The following DOCK4 variants were observed in gnomAD, a reference collection of about 807,000 sequenced individuals.
DOCK4 encodes the protein dedicator of cytokinesis protein 4.
DOCK4 carries 97 observed loss-of-function variants against 268.1 expected under a neutral mutation model. The ratio of observed to expected loss-of-function variants is 0.36; its 90% CI spans 0.31 to 0.43. DOCK4 has a LOEUF of 0.43. DOCK4 is among the 20% of genes least tolerant of loss of function. DOCK4 has a pLI of 1.00. For synonymous variants in DOCK4, 954 were observed against 887.2 expected (o/e 1.08, Z -1.34); for missense variants, 2,145 against 2,455.7 (o/e 0.87, Z 2.67).
chr7:111,920,096 G>A (rs1291737241), intron 12 of DOCK4, among the ~76,000 whole-genome samples: 2 of 152,076 alleles, frequency 1.3e-5, no homozygotes, highest in South Asian at 2.1e-4. Flanking sequence ...GCAGAGAGTG[G>A]AATGATGGTT....
chr7:112,192,812 C>T (rs913882181), intron 1 of DOCK4, among the ~76,000 whole-genome samples: 3 of 151,882 alleles, frequency 2.0e-5, no homozygotes, highest in Non-Finnish European at 4.4e-5. Context: ...AATAATCATC[C>T]AACAGAAGTT....
At chr7:111,990,326 C>T (rs1027385130) in intron 5 of DOCK4, among the ~76,000 whole-genome samples, 4 of 152,062 alleles carry the variant, frequency 2.6e-5, no homozygotes, top group Non-Finnish European at 5.9e-5. Flanking sequence ...AGTCTTTACC[C>T]TTTGTCTTTC....
At chr7:112,175,844 T>TA (rs1232019515) in intron 1 of DOCK4, among the ~76,000 whole-genome samples, 4 of 152,212 alleles carry the variant, frequency 2.6e-5, no homozygotes, top group African/African-American at 9.7e-5. Flanking sequence ...TAACAAAACT[T>TA]ATTCACACAA....
chr7:112,068,170 T>G (rs571974412), intron 1 of DOCK4, among the ~76,000 whole-genome samples: 1 of 152,338 alleles, frequency 6.6e-6, no homozygotes, highest in Non-Finnish European at 1.5e-5. Context: ...TGCACTATTG[T>G]ACTCATAATC....
intron 23 of DOCK4, among the ~76,000 whole-genome samples, chr7:111,852,178 G>A (rs988173414): frequency 5.3e-5 from 8 of 151,998 alleles, no homozygotes; most frequent in African/African-American, 1.7e-4. Flanking sequence ...TCCCCAGGCT[G>A]GTCTTGAACT....
At chr7:111,853,940 T>G (rs940638281) in intron 23 of DOCK4, among the ~76,000 whole-genome samples, 10 of 151,878 alleles carry the variant, frequency 6.6e-5, no homozygotes, top group South Asian at 2.1e-4. Context: ...TTGTTTGGTT[T>G]TTTTTTTGCT....
chr7:111,939,677 G>C (rs1203081882), intron 11 of DOCK4, among the ~76,000 whole-genome samples: 1 of 151,994 alleles, frequency 6.6e-6, no homozygotes, highest in East Asian at 1.9e-4. Flanking sequence ...AAGCCATGCA[G>C]TTTGTGGTAC....
At chr7:112,108,353 TA>T (rs1159801230) in intron 1 of DOCK4, among the ~76,000 whole-genome samples, 5 of 152,184 alleles carry the variant, frequency 3.3e-5, no homozygotes, top group Admixed American at 1.3e-4. Context: ...AGGAACTGAA[TA>T]AAAAGTGACT....
intron 32 of DOCK4, among the ~76,000 whole-genome samples, chr7:111,784,784 C>T (rs1799051864): frequency 6.6e-6 from 1 of 152,144 alleles, no homozygotes; most frequent in African/African-American, 2.4e-5. Flanking sequence ...GAACTTCCCC[C>T]AAAAGATAAA....
At chr7:111,996,981 G>A (rs978812068) in intron 4 of DOCK4, among the ~76,000 whole-genome samples, 2 of 152,174 alleles carry the variant, frequency 1.3e-5, no homozygotes, top group Non-Finnish European at 2.9e-5. Flanking sequence ...GGGAGGTCAG[G>A]GTTGGGCTTG....
intron 36 of DOCK4, among the ~76,000 whole-genome samples, chr7:111,775,633 C>T (rs768308928): frequency 1.8e-4 from 27 of 152,316 alleles, no homozygotes; most frequent in Admixed American, 3.3e-4. Context: ...AGAAAAAGCT[C>T]CAAGAAAAGT....
intron 1 of DOCK4, among the ~76,000 whole-genome samples, chr7:112,039,242 T>C (rs1373158893): frequency 6.6e-6 from 1 of 152,146 alleles, no homozygotes; most frequent in Non-Finnish European, 1.5e-5. Context: ...TACATTATTA[T>C]TTCAATGAAA....
chr7:112,062,034 G>A (rs1806459389), intron 1 of DOCK4, among the ~76,000 whole-genome samples: 1 of 152,186 alleles, frequency 6.6e-6, no homozygotes, highest in Non-Finnish European at 1.5e-5. Flanking sequence ...GGCTTACAGA[G>A]ATGACGATAA....
chr7:111,737,492 A>T (rs1054546998), intron 49 of DOCK4, among the ~76,000 whole-genome samples: 2 of 152,218 alleles, frequency 1.3e-5, no homozygotes, highest in Non-Finnish European at 2.9e-5. Context: ...TAAGAATTAA[A>T]GGAGAAATAT....
chr7:112,058,258 GTAAT>G (rs1294260250), intron 1 of DOCK4, among the ~76,000 whole-genome samples: 2 of 151,940 alleles, frequency 1.3e-5, no homozygotes, highest in Non-Finnish European at 2.9e-5. Context: ...ACATAACCTA[GTAAT>G]TATTTGTTTT....
At chr7:111,991,632 C>A (rs1329014035) in intron 5 of DOCK4, among the ~76,000 whole-genome samples, 2 of 152,100 alleles carry the variant, frequency 1.3e-5, no homozygotes, top group Non-Finnish European at 2.9e-5. Context: ...CAGCATGAGA[C>A]CCTAGGTAAA....
At chr7:112,072,356 C>T (rs1171134654) in intron 1 of DOCK4, among the ~76,000 whole-genome samples, 1 of 152,168 alleles carries the variant, frequency 6.6e-6, no homozygotes, top group Admixed American at 6.5e-5. Context: ...TTTGTTAGAC[C>T]TTGTGATCCT....
At chr7:111,876,580 CTTGCTTTA>C (rs1806897546) in intron 17 of DOCK4, among the ~76,000 whole-genome samples, 1 of 152,124 alleles carries the variant, frequency 6.6e-6, no homozygotes, top group Non-Finnish European at 1.5e-5. Context: ...AGGAGAAGAG[CTTGCTTTA>C]TTAATCATAA....
At position 111,940,163 on chromosome 7, in the gene DOCK4, G is replaced by C; in HGVS notation, c.924C>G (p.Ile308Met). 1 of 1,613,978 alleles carries C rather than the reference G, an allele frequency of 6.2e-7. No individual in the cohort carries two copies. The highest frequency in any genetic ancestry group is 1.7e-5 in the Admixed American group (1 of 60,024). The change falls in exon 11 of 53, where the codon ATC becomes ATG. Residue 308 changes from isoleucine to methionine, a missense_variant. By Grantham distance (10) the Ile-to-Met change is conservative. Around this residue, in one of 2 missense-constraint regions of DOCK4, gnomAD observed 1,598 missense variants for 1,986.7 expected, o/e 0.80. Coordinates refer to ENST00000428084, the MANE Select transcript of DOCK4 (RefSeq NM_001363540.2). ...RRPFGCAVLS[I>M]ADLLTGETKD... ...TTGTCTCTCCTGTTAGCAGGTCAGC[G>C]ATGCTAAGAACTGCACAGCCAAAGG...
Sources: gnomAD v4.1 joint callset for allele counts (sites outside exome capture counted in the v4.1 genomes callset) on GRCh38, gnomAD v4.1.1 for gene constraint, gnomAD v4.1.1 regional missense constraint, MANE v1.5 for transcripts, NCBI Gene and HGNC (gene_info 2026-07-23, HGNC 2026-07-21) for gene names.